Variants in GCSAML observed in about 807,000 individuals in gnomAD.
The protein encoded by GCSAML is germinal center-associated signaling and motility-like protein.
In GCSAML, 9 loss-of-function variants were observed where a neutral mutation model predicts 13.0. That is an observed-to-expected ratio of 0.69 (90% CI 0.42 to 1.21). The LOEUF (loss-of-function observed/expected upper bound fraction) is 1.21, where lower values mean the gene tolerates loss of function less well. Among genes scored for constraint, GCSAML ranks in the 50% most tolerant of loss-of-function variants. The probability of loss-of-function intolerance (pLI) is 0.00; values close to 1 mark genes in which losing one functional copy is unlikely to be tolerated. For missense variants in GCSAML, 143 were observed against 153.4 expected (o/e 0.93, Z 0.36); for synonymous variants, 37 against 52.9 (o/e 0.70, Z 1.31).
At chr1:247,546,428 G>A (rs537384980), upstream of GCSAML, among the ~76,000 whole-genome samples, 15 of 152,036 alleles carry the variant, frequency 9.9e-5, no homozygotes, top group African/African-American at 2.2e-4. Context: ...GCGCGATCTC[G>A]GCTCACTGCA....
chr1:247,515,373 C>A (rs1269244747), intron 1 of GCSAML, among the ~76,000 whole-genome samples: 1 of 152,024 alleles, frequency 6.6e-6, no homozygotes, highest in Non-Finnish European at 1.5e-5. Flanking sequence ...TTTTAATGTG[C>A]AAGAATATAT....
At chr1:247,508,874 T>C (rs1400081854) in intron 1 of GCSAML, among the ~76,000 whole-genome samples, 1 of 152,202 alleles carries the variant, frequency 6.6e-6, no homozygotes, top group Non-Finnish European at 1.5e-5. Flanking sequence ...TCTGTTTTGG[T>C]ACCGGTATCA....
At chr1:247,554,632 G>C (rs993906394) in intron 1 of GCSAML, among the ~76,000 whole-genome samples, 4 of 152,054 alleles carry the variant, frequency 2.6e-5, no homozygotes, top group African/African-American at 9.7e-5. Flanking sequence ...TTTATTCTGT[G>C]TTTTTAGAAA....
chr1:247,563,520 C>CT, intron 2 of GCSAML, 70 bp from the exon 3 acceptor site: 3 of 923,948 alleles, frequency 3.2e-6, no homozygotes, highest in Admixed American at 4.2e-5. Flanking sequence ...CAACCAAATG[C>CT]TTTTTTTGAA....
chr1:247,550,539 G>A (rs560397790), intron 1 of GCSAML, among the ~76,000 whole-genome samples: 73 of 152,124 alleles, frequency 4.8e-4, no homozygotes, highest in South Asian at 1.5e-3. Context: ...CGGCAGGCTG[G>A]GGCAGGAGAA....
rs574546968 is a variant in GCSAML at position 247,575,525 on chromosome 1, G to A, written c.*1143G>A. The A allele has an allele frequency of 6.6e-6, 1 of 152,110 alleles. No individual in the cohort carries two copies. The highest frequency in any genetic ancestry group is 2.1e-4 in the South Asian group (1 of 4,816). The allele number at this position is 152,110 out of a possible 1,614,324, so 9.4% of individuals were successfully genotyped here. The stretch of plus-strand genomic sequence containing the variant: ...TTTACTTCAATTTTTCTTTTTCTAT[G>A]TACTGGATATTTTTGCATATAAACT... On this transcript the variant is annotated 3_prime_UTR_variant, in exon 5 of 5. Coordinates refer to ENST00000366488, the MANE Select transcript of GCSAML (RefSeq NM_145278.5).
chr1:247,540,095 A>G (rs766747259), intron 2 of GCSAML, among the ~76,000 whole-genome samples: 4 of 152,168 alleles, frequency 2.6e-5, no homozygotes, highest in Non-Finnish European at 5.9e-5. Context: ...TTTTTGATAC[A>G]GAGTCTCGCA....
intron 1 of GCSAML, among the ~76,000 whole-genome samples, chr1:247,515,408 T>C (rs1666177129): frequency 6.6e-6 from 1 of 152,232 alleles, no homozygotes; most frequent in African/African-American, 2.4e-5. Flanking sequence ...TAAAATGTTG[T>C]TTATGAAAAA....
At chr1:247,550,412 T>A (rs181672072) in intron 1 of GCSAML, among the ~76,000 whole-genome samples, 1 of 151,896 alleles carries the variant, frequency 6.6e-6, no homozygotes, top group Admixed American at 6.6e-5. Context: ...CCGAGGCGGG[T>A]GGATCACGAG....
intron 2 of GCSAML, chr1:247,538,547 A>C: frequency 3.0e-6 from 1 of 331,614 alleles, no homozygotes; most frequent in East Asian, 8.2e-5. Context: ...GGGGATAATT[A>C]TGAGTAAATG....
At chr1:247,530,381 CATAG>C (rs1426467589) in intron 2 of GCSAML, 1 of 152,018 alleles carries the variant, frequency 6.6e-6, no homozygotes, top group Non-Finnish European at 1.5e-5. Flanking sequence ...ACACTGTATA[CATAG>C]ATAAGTAAAA....
intron 3 of GCSAML, among the ~76,000 whole-genome samples, chr1:247,564,392 A>AG (rs34237735): frequency 0.15 from 22,264 of 151,646 alleles, 2,231 homozygotes; most frequent in Middle Eastern, 0.23. Flanking sequence ...TAAAAAAAAA[A>AG]AAAAAAAAGA....
chr1:247,574,781 G>A lies in GCSAML; in HGVS notation c.*399G>A. 1 of 213,370 alleles carries A rather than the reference G, an allele frequency of 4.7e-6. No individual in the cohort carries two copies. Among genetic ancestry groups the A allele is most frequent in the Non-Finnish European group, 9.5e-6 (1 of 105,694 alleles). 13.2% of individuals were successfully genotyped at this position (213,370 alleles called of 1,614,324 possible). On this transcript the variant is annotated 3_prime_UTR_variant, in exon 5 of 5. Coordinates refer to ENST00000366488, the MANE Select transcript of GCSAML (RefSeq NM_145278.5). The stretch of plus-strand genomic sequence containing the variant: ...TTCTGGCCATGATAGGAAGGGAGGT[G>A]AGACACACCTTGTTATACCCCTTCC...
At position 247,576,867 on chromosome 1, in the gene GCSAML, T is replaced by C. The variant is rs1472700893; in HGVS notation, c.*2485T>C. 6.6e-6 allele frequency: 1 copy of C among 152,260 alleles called. No homozygotes were observed. The highest frequency in any genetic ancestry group is 1.9e-4 in the East Asian group (1 of 5,200). The allele number at this position is 152,260 out of a possible 1,614,324, so 9.4% of individuals were successfully genotyped here. On this transcript the variant is annotated 3_prime_UTR_variant, in exon 5 of 5. Transcript: ENST00000366488. ...TTTTCGTCTGCCTTTGTAGCTGTTT[T>C]ATGATATAAATACCTTATTTGTAAT... is the stretch of plus-strand genomic sequence containing the variant.
At chr1:247,542,039 G>A (rs1204498202) in intron 2 of GCSAML, among the ~76,000 whole-genome samples, 4 of 150,636 alleles carry the variant, frequency 2.7e-5, no homozygotes, top group African/African-American at 4.9e-5. Flanking sequence ...AAAGGAAAAA[G>A]AAAAGATGAA....
chr1:247,560,091 T>G (rs993734885), intron 2 of GCSAML, among the ~76,000 whole-genome samples: 2 of 152,188 alleles, frequency 1.3e-5, no homozygotes, highest in African/African-American at 4.8e-5. Flanking sequence ...GGCCACAGCA[T>G]GCAGAATTGT....
intron 1 of GCSAML, among the ~76,000 whole-genome samples, chr1:247,550,064 C>T (rs115462449): frequency 2.6e-5 from 4 of 152,226 alleles, no homozygotes; most frequent in East Asian, 1.9e-4. Context: ...CGCTAATAGA[C>T]GGAGTGGAAA....
intron 3 of GCSAML, 32 bp from the exon 4 acceptor site, chr1:247,565,895 CCTTT>C (rs757274170): frequency 6.0e-6 from 9 of 1,491,682 alleles, no homozygotes; most frequent in Admixed American, 4.4e-5. Flanking sequence ...ACAGTGCTTT[CCTTT>C]CTTTCTTTTT....
rs1199938336 is a variant in GCSAML at position 247,576,821 on chromosome 1, GAAAATGAC to G, written c.*2445_*2452del. The G allele has an allele frequency of 6.6e-6, 1 of 152,100 alleles. No individual in the cohort carries two copies. Among genetic ancestry groups the G allele is most frequent in the African/African-American group, 2.4e-5 (1 of 41,428 alleles). 9.4% of individuals were successfully genotyped at this position (152,100 alleles called of 1,614,324 possible). A position where few individuals can be genotyped will look rare whatever the true frequency, so the allele number is the denominator to read the frequency against. ...TCCTGTAGATATTAGCCAATTTTAG[GAAAATGAC>G]AAAATTTTTTACTTTTCGTCTGCCT... On this transcript the variant is annotated 3_prime_UTR_variant, in exon 5 of 5. Coordinates refer to ENST00000366488, the MANE Select transcript of GCSAML (RefSeq NM_145278.5).
Sources: allele counts gnomAD v4.1 joint callset (sites outside exome capture counted in the v4.1 genomes callset), GRCh38; gene constraint gnomAD v4.1.1; transcripts MANE v1.5; gene names NCBI Gene and HGNC (gene_info 2026-07-23, HGNC 2026-07-21).